Variants in CHODL observed in about 807,000 individuals in gnomAD.
The protein encoded by CHODL is chondrolectin.
In CHODL, 29 loss-of-function variants were observed where a neutral mutation model predicts 34.5. The ratio of observed to expected loss-of-function variants is 0.84; its 90% CI spans 0.63 to 1.15. The LOEUF (loss-of-function observed/expected upper bound fraction) is 1.15, where lower values mean the gene tolerates loss of function less well. CHODL is among the 50% of genes most tolerant of loss of function. The pLI is 0.00. For missense variants in CHODL, 332 were observed against 332.5 expected, an observed-to-expected ratio of 1.00 and a Z score of 0.01; for synonymous variants, 125 against 116.1, an observed-to-expected ratio of 1.08 and a Z score of -0.49.
At chr21:18,245,648 G>A (rs2074131580) in intron 1 of CHODL, among the ~76,000 whole-genome samples, 1 of 152,082 alleles carries the variant, frequency 6.6e-6, no homozygotes, top group African/African-American at 2.4e-5. Flanking sequence ...GGTGGGGTAG[G>A]GCGGAGGCAG....
At chr21:18,013,073 CTTTTAAAATTTTTG>C (rs1164958892) in intron 1 of CHODL, among the ~76,000 whole-genome samples, 2 of 152,086 alleles carry the variant, frequency 1.3e-5, no homozygotes, top group Non-Finnish European at 2.9e-5. Context: ...ATCTGATTGG[CTTTTAAAATTTTTG>C]TTTTAAAATT....
chr21:18,208,009 T>G (rs2073732011), intron 2 of CHODL, among the ~76,000 whole-genome samples: 1 of 152,110 alleles, frequency 6.6e-6, no homozygotes. Context: ...TCTCTAGGTT[T>G]GGGAAGTTCT....
At chr21:17,964,237 G>A (rs2063554592) in intron 1 of CHODL, among the ~76,000 whole-genome samples, 1 of 152,116 alleles carries the variant, frequency 6.6e-6, no homozygotes, top group Non-Finnish European at 1.5e-5. Context: ...TATTTTACAT[G>A]TGAATGACCC....
chr21:18,098,723 G>C (rs1225844248), intron 2 of CHODL, among the ~76,000 whole-genome samples: 1 of 151,852 alleles, frequency 6.6e-6, no homozygotes, highest in Non-Finnish European at 1.5e-5. Flanking sequence ...CCCACTGCTG[G>C]GTATATACCA....
intron 1 of CHODL, chr21:18,246,021 T>C (rs1162111744): frequency 4.1e-6 from 5 of 1,233,332 alleles, no homozygotes; most frequent in East Asian, 2.5e-5. Flanking sequence ...TCGATCAAAA[T>C]TGGCAAGCTT....
chr21:17,988,253 G>A (rs1220206050), intron 1 of CHODL, among the ~76,000 whole-genome samples: 3 of 151,988 alleles, frequency 2.0e-5, no homozygotes, highest in Non-Finnish European at 4.4e-5. Context: ...TGCTTGCCTT[G>A]TTGATACAAT....
chr21:18,109,173 A>T (rs928800387), intron 2 of CHODL, among the ~76,000 whole-genome samples: 32 of 152,138 alleles, frequency 2.1e-4, no homozygotes, highest in African/African-American at 7.7e-4. Flanking sequence ...GATGACTTAT[A>T]TTATTTATTT....
At chr21:18,242,329 G>A (rs2074090132), upstream of CHODL, among the ~76,000 whole-genome samples, 1 of 152,042 alleles carries the variant, frequency 6.6e-6, no homozygotes, top group African/African-American at 2.4e-5. Context: ...TTGAATATTT[G>A]TTGCTTTCCC....
Position 17,956,580 on chromosome 21 carries a change from A to C in CHODL, c.-145+39180A>C, listed in dbSNP as rs2063495388. ...GACTAGATGGCTTATAAACAACATA[A>C]ATTTATTTATCACAGTTCTGGAGGC... On this transcript the variant is annotated intron_variant, in intron 1 of 6. Transcript: ENST00000400127. Among the ~76,000 whole-genome samples the C allele has an allele frequency of 1.5e-5, 2 of 136,380 alleles. 1 individual carries two copies. The highest frequency in any genetic ancestry group is 3.3e-5 in the Non-Finnish European group (2 of 60,044). The allele number at this position is 136,380 out of a possible 152,430, so 89.5% of individuals were successfully genotyped here. A position where few individuals can be genotyped will look rare whatever the true frequency, so the allele number is the denominator to read the frequency against.
chr21:18,265,310 C>CAT (rs149734647), intron 5 of CHODL, among the ~76,000 whole-genome samples: 130 of 147,182 alleles, frequency 8.8e-4, no homozygotes, highest in East Asian at 8.8e-3. Context: ...CACACACACA[C>CAT]ATATATATAT....
At chr21:17,952,764 T>C (rs1393563083) in intron 1 of CHODL, among the ~76,000 whole-genome samples, 1 of 152,204 alleles carries the variant, frequency 6.6e-6, no homozygotes, top group Non-Finnish European at 1.5e-5. Flanking sequence ...ATTCTCTCAC[T>C]GCTATAAAGA....
At chr21:18,234,995 G>A (rs2074016081) in intron 2 of CHODL, among the ~76,000 whole-genome samples, 1 of 152,110 alleles carries the variant, frequency 6.6e-6, no homozygotes, top group South Asian at 2.1e-4. Context: ...TGGCTTATTT[G>A]AGAAAAGAAG....
rs1046273901 is a variant in CHODL, at chr21:18,107,841, A to G, written c.-45+79870A>G. 9.2e-5 allele frequency among the ~76,000 whole-genome samples: 14 copies of G among 152,334 alleles called. No individual in the cohort carries two copies. In the South Asian group the frequency reaches 1.9e-3, roughly 20 times the overall value. On this transcript the variant is annotated intron_variant, in intron 2 of 6. Transcript: ENST00000400127. Reference sequence around the variant, plus strand: ...TTAAAAAGTGAGAAGTACAATGACTATGTGTGTGGATGTAAGACTGTTTGA... The same window carrying G: ...TTAAAAAGTGAGAAGTACAATGACTGTGTGTGTGGATGTAAGACTGTTTGA...
At chr21:18,079,682 A>AAT (rs2064913242) in intron 2 of CHODL, among the ~76,000 whole-genome samples, 2 of 151,752 alleles carry the variant, frequency 1.3e-5, no homozygotes, top group African/African-American at 4.8e-5. Flanking sequence ...TGATTCTGTG[A>AAT]CTTTACTATT....
At chr21:18,016,330 T>G (rs921330782) in intron 1 of CHODL, among the ~76,000 whole-genome samples, 1 of 152,226 alleles carries the variant, frequency 6.6e-6, no homozygotes, top group Non-Finnish European at 1.5e-5. Context: ...CTTTAGAGGA[T>G]GCAAGCCGCA....
chr21:18,129,175 G>A (rs75411389), intron 2 of CHODL, among the ~76,000 whole-genome samples: 4,351 of 151,952 alleles, frequency 0.029, 139 homozygotes, highest in East Asian at 0.13. Flanking sequence ...TTATTTTAAT[G>A]AAGTTCTACC....
chr21:17,978,568 A>T (rs2063687701), intron 1 of CHODL, among the ~76,000 whole-genome samples: 1 of 151,016 alleles, frequency 6.6e-6, no homozygotes, highest in Non-Finnish European at 1.5e-5. Context: ...AATACAAAAA[A>T]TTAGCTGGGC....
At chr21:17,939,914 A>G (rs1176713097) in intron 1 of CHODL, among the ~76,000 whole-genome samples, 1 of 152,194 alleles carries the variant, frequency 6.6e-6, no homozygotes, top group Admixed American at 6.5e-5. Context: ...CAAGTGAAAA[A>G]GTGGAGGGTG....
chr21:18,079,362 A>C (rs958435078), intron 2 of CHODL, among the ~76,000 whole-genome samples: 9 of 149,582 alleles, frequency 6.0e-5, no homozygotes, highest in African/African-American at 1.7e-4. Context: ...ATAGAATATT[A>C]TATATATATC....
Sources: allele counts gnomAD v4.1 joint callset (sites outside exome capture counted in the v4.1 genomes callset), GRCh38; gene constraint gnomAD v4.1.1; transcripts MANE v1.5; gene names NCBI Gene and HGNC (gene_info 2026-07-23, HGNC 2026-07-21).